The following FRYL variants were observed in gnomAD, a reference collection of about 807,000 sequenced individuals.
FRYL encodes the protein protein furry homolog-like.
A neutral mutation model predicts 351.2 loss-of-function variants in FRYL; 150 were observed. The ratio of observed to expected loss-of-function variants is 0.43; its 90% CI spans 0.37 to 0.49. The LOEUF (loss-of-function observed/expected upper bound fraction) is 0.49, where lower values mean the gene tolerates loss of function less well. Ranked by LOEUF, FRYL falls within the 20% of genes least tolerant of loss-of-function variation. FRYL has a pLI of 0.00. For missense variants in FRYL, 3,036 were observed against 3,619.3 expected (o/e 0.84, Z 4.13); for synonymous variants, 1,153 against 1,257.1 (o/e 0.92, Z 1.75).
chr4:48,519,724 ATC>A (rs1307242266), intron 55 of FRYL, among the ~76,000 whole-genome samples: 1 of 143,686 alleles, frequency 7.0e-6, no homozygotes, highest in Admixed American at 7.1e-5. Flanking sequence ...GATGGTCTCA[ATC>A]TCTCTCTCGC....
intron 2 of FRYL, among the ~76,000 whole-genome samples, chr4:48,708,299 TAAATAAATA>T (rs1298800000): frequency 4.3e-4 from 2 of 4,640 alleles, no homozygotes; most frequent in Non-Finnish European, 0.021. Flanking sequence ...AATAAATAAA[TAAATAAATA>T]AAAATAAAAT....
At chr4:48,630,959 A>G (rs1376153599) in intron 4 of FRYL, among the ~76,000 whole-genome samples, 3 of 152,216 alleles carry the variant, frequency 2.0e-5, no homozygotes, top group Non-Finnish European at 4.4e-5. Flanking sequence ...CTAAAAGGGT[A>G]CAGAATAAAT....
chr4:48,531,043 T>C (rs992802722), intron 50 of FRYL, 113 bp downstream of exon 50: 1 of 723,666 alleles, frequency 1.4e-6, no homozygotes, highest in Non-Finnish European at 2.3e-6. Flanking sequence ...ACAGCTATCA[T>C]ATTGTCTAAC....
rs1324152980 is a variant in FRYL at position 48,547,702 on chromosome 4, T to C, written c.4956A>G (p.Val1652=). ...CKRLLLHLLI[V]MGPNSNIRTV... ...TTCGGATGTTACTATTGGGTCCCAT[T>C]ACTATTAATAAGTGCAGAAGCAGGC... The change falls in exon 41 of 64, where the codon GTA becomes GTG. Residue 1652 remains valine (V), a synonymous_variant. Transcript: ENST00000358350. 1 of 1,602,652 alleles carries C rather than the reference T, an allele frequency of 6.2e-7. No individual in the cohort carries two copies. The highest frequency in any genetic ancestry group is 8.5e-7 in the Non-Finnish European group (1 of 1,172,264).
At chr4:48,532,594 T>G (rs1431658411) in intron 49 of FRYL, among the ~76,000 whole-genome samples, 1 of 152,036 alleles carries the variant, frequency 6.6e-6, no homozygotes, top group Non-Finnish European at 1.5e-5. Flanking sequence ...GAGGCGGAGG[T>G]TGCAGTGAGC....
intron 2 of FRYL, among the ~76,000 whole-genome samples, chr4:48,694,081 G>T (rs1164010578): frequency 6.6e-6 from 1 of 152,066 alleles, no homozygotes; most frequent in Non-Finnish European, 1.5e-5. Flanking sequence ...ATATCACCTG[G>T]TTTCTGGGTA....
intron 52 of FRYL, 21 bp downstream of exon 52, chr4:48,527,950 C>G: frequency 6.6e-7 from 1 of 1,511,350 alleles, no homozygotes; most frequent in Non-Finnish European, 8.9e-7. Flanking sequence ...GACCTTGACA[C>G]AGGTCTTCAT....
intron 4 of FRYL, among the ~76,000 whole-genome samples, chr4:48,633,958 A>T (rs984509792): frequency 5.3e-5 from 8 of 152,132 alleles, no homozygotes; most frequent in African/African-American, 1.9e-4. Context: ...ACATTCTCCA[A>T]GTATGTCTCA....
Position 48,561,595 on chromosome 4 carries a change from C to T in FRYL, c.3738G>A (p.Glu1246=), listed in dbSNP as rs1195139044. Residue 1246 remains glutamate, a synonymous_variant, in exon 33 of 64, where the codon GAG becomes GAA. Coordinates refer to ENST00000358350, the MANE Select transcript of FRYL (RefSeq NM_015030.2). ...TGAGTACTCCATCTGTTCTCTGAAC[C>T]TCCAATTTGTGAGCATAGCGAAACA... ...PKMFRYAHKL[E]VQRTDGVLSQ... 2.5e-6 allele frequency: 4 copies of T among 1,611,490 alleles called. No individual in the cohort carries two copies. Among genetic ancestry groups the T allele is most frequent in the Non-Finnish European group, 3.4e-6 (4 of 1,178,408 alleles).
intron 8 of FRYL, 51 bp downstream of exon 8, chr4:48,609,693 A>G (rs1353969550): frequency 1.4e-5 from 12 of 838,592 alleles, no homozygotes; most frequent in Non-Finnish European, 2.1e-5. Flanking sequence ...AAAATAGTCT[A>G]GACCTGGATT....
chr4:48,660,999 T>C (rs1434177565), intron 3 of FRYL, among the ~76,000 whole-genome samples: 10 of 151,994 alleles, frequency 6.6e-5, no homozygotes, highest in African/African-American at 1.2e-4. Context: ...AAAAGGACAA[T>C]AGATAAAAAT....
chr4:48,617,095 C>T (rs1038234601), intron 7 of FRYL, among the ~76,000 whole-genome samples: 30 of 151,964 alleles, frequency 2.0e-4, no homozygotes, highest in African/African-American at 7.3e-4. Context: ...TGGTGAGATA[C>T]ATATAAATGT....
At chr4:48,514,105 G>C (rs1272719554) in intron 56 of FRYL, among the ~76,000 whole-genome samples, 1 of 152,072 alleles carries the variant, frequency 6.6e-6, no homozygotes, top group Non-Finnish European at 1.5e-5. Flanking sequence ...CCAATGTGTT[G>C]TATGTGTTAA....
At chr4:48,719,782 A>G (rs927745717) in intron 1 of FRYL, among the ~76,000 whole-genome samples, 2 of 151,640 alleles carry the variant, frequency 1.3e-5, no homozygotes, top group Admixed American at 1.3e-4. Context: ...TTTGTCAGGA[A>G]CAACTTGATT....
chr4:48,619,184 C>T, intron 7 of FRYL, 90 bp downstream of exon 7: 1 of 831,920 alleles, frequency 1.2e-6, no homozygotes, highest in Non-Finnish European at 2.0e-6. Flanking sequence ...GGCTAAAATT[C>T]TAGACACAGC....
chr4:48,571,399 A>G (rs1367650588), intron 26 of FRYL, among the ~76,000 whole-genome samples: 1 of 152,222 alleles, frequency 6.6e-6, no homozygotes, highest in Non-Finnish European at 1.5e-5. Context: ...TCATTATGAT[A>G]TGAATAAATA....
chr4:48,515,680 A>C (rs1368556821), intron 55 of FRYL, among the ~76,000 whole-genome samples: 1 of 152,108 alleles, frequency 6.6e-6, no homozygotes, highest in East Asian at 1.9e-4. Context: ...CCACTTTTAT[A>C]GTTTTTGAAT....
chr4:48,671,891 A>AAAAG (rs1762817692), intron 3 of FRYL, among the ~76,000 whole-genome samples: 2 of 142,538 alleles, frequency 1.4e-5, no homozygotes, highest in African/African-American at 5.2e-5. Flanking sequence ...AAAAAAAAAA[A>AAAAG]GAAGGAAAGA....
intron 4 of FRYL, among the ~76,000 whole-genome samples, chr4:48,624,418 A>C (rs1220615154): frequency 6.6e-6 from 1 of 152,152 alleles, no homozygotes. Context: ...AAGTCTCTCT[A>C]CCATCTCTCA....
Sources: allele counts gnomAD v4.1 joint callset (sites outside exome capture counted in the v4.1 genomes callset), GRCh38; gene constraint gnomAD v4.1.1; transcripts MANE v1.5; gene names NCBI Gene and HGNC (gene_info 2026-07-23, HGNC 2026-07-21).